KCTD18: variants seen among roughly 807,000 people sequenced by gnomAD.
KCTD18 encodes the protein BTB/POZ domain-containing protein KCTD18.
A neutral mutation model predicts 30.4 loss-of-function variants in KCTD18; 22 were observed. The ratio of observed to expected loss-of-function variants is 0.72; its 90% confidence interval spans 0.52 to 1.03. The LOEUF (loss-of-function observed/expected upper bound fraction) is 1.03. Ranked by LOEUF, KCTD18 falls within the 50% of genes least tolerant of loss-of-function variation. The probability of loss-of-function intolerance (pLI) is 0.00; values close to 1 mark genes in which losing one functional copy is unlikely to be tolerated. For synonymous variants in KCTD18, 186 were observed against 209.0 expected (o/e 0.89, Z 0.95); for missense variants, 529 against 547.6 (o/e 0.97, Z 0.34).
At chr2:200,505,861 T>C (rs986400097) in intron 2 of KCTD18, among the ~76,000 whole-genome samples, 2 of 142,378 alleles carry the variant, frequency 1.4e-5, no homozygotes, top group Non-Finnish European at 3.1e-5. Context: ...TTTAGCAGAA[T>C]TAAAAAAAAA....
In KCTD18 at chr2:200,489,974, A is replaced by T; in HGVS notation, c.*126T>A. On this transcript the variant is annotated 3_prime_UTR_variant, in exon 7 of 7. Coordinates refer to ENST00000359878, the MANE Select transcript of KCTD18 (RefSeq NM_152387.4). ...CTCCATTCCTAGCTCACACAATTCC[A>T]GGAACAGAATCCTCAACATAAACCT... 9.9e-7 allele frequency: 1 copy of T among 1,006,706 alleles called. No homozygotes were observed. Among genetic ancestry groups the T allele is most frequent in the Non-Finnish European group, 1.4e-6 (1 of 715,700 alleles). 62.4% of individuals were successfully genotyped at this position (1,006,706 alleles called of 1,614,324 possible). A position where few individuals can be genotyped will look rare whatever the true frequency, so the allele number is the denominator to read the frequency against.
chr2:200,490,579 TCA>T lies in KCTD18; in HGVS notation c.800_801del (p.Val267GlufsTer3). On this transcript the variant is annotated frameshift_variant, in exon 7 of 7. Transcript: ENST00000359878. LOFTEE classifies it low-confidence loss of function (END_TRUNC). ...LITFNEADES[V>X]NYKTGPKPVR... ...ACTGGCTTAGGACCAGTCTTATAGT[TCA>T]CACTTTCGTCCGCTTCATTGAACGT... 1 of 1,599,020 alleles carries T rather than the reference TCA, an allele frequency of 6.3e-7. No individual in the cohort carries two copies. Among genetic ancestry groups the T allele is most frequent in the African/African-American group, 1.3e-5 (1 of 74,986 alleles).
intron 3 of KCTD18, among the ~76,000 whole-genome samples, chr2:200,503,457 G>A (rs2029985367): frequency 6.6e-6 from 1 of 152,104 alleles, no homozygotes; most frequent in African/African-American, 2.4e-5. Context: ...CATGTCACAG[G>A]CACTTGAAAC....
intron 5 of KCTD18, among the ~76,000 whole-genome samples, chr2:200,494,617 C>T (rs541877577): frequency 1.8e-4 from 28 of 152,172 alleles, no homozygotes; most frequent in Non-Finnish European, 3.2e-4. Context: ...TGCTTGATCA[C>T]ACTCCAAAAC....
At position 200,493,210 on chromosome 2, in the gene KCTD18, T is replaced by TA. The variant is rs780934812; in HGVS notation, c.725dup (p.Leu242PhefsTer21). On this transcript the variant is annotated frameshift_variant, in exon 6 of 7. Transcript: ENST00000359878. LOFTEE classifies it low-confidence loss of function (END_TRUNC). ...GAGCCATGTGACGCAGGCTTCCAAG[T>TA]AAAGGCCGTTCTTCTAGAGTCCAAC... 27 of 1,613,268 alleles carry TA rather than the reference T, an allele frequency of 1.7e-5. No homozygotes were observed. In the South Asian group the frequency reaches 1.8e-4, roughly 10 times the overall value.
At chr2:200,507,162 T>C in intron 1 of KCTD18, 71 bp from the exon 2 acceptor site, 1 of 531,642 alleles carries the variant, frequency 1.9e-6, no homozygotes, top group South Asian at 3.8e-5. Context: ...ATAAATATAC[T>C]TTAACATGAC....
At chr2:200,493,375 TC>T (rs2087951413) in intron 5 of KCTD18, 101 bp from the exon 6 acceptor site, 1 of 733,262 alleles carries the variant, frequency 1.4e-6, no homozygotes, top group Admixed American at 2.2e-5. Context: ...GGTTCATGCC[TC>T]CCGTTTGGCA....
chr2:200,507,384 C>T (rs2030261370), intron 1 of KCTD18, among the ~76,000 whole-genome samples: 1 of 152,202 alleles, frequency 6.6e-6, no homozygotes, highest in South Asian at 2.1e-4. Flanking sequence ...GAGAGGCCTG[C>T]TTATGATCTT....
rs763914151 is a variant in KCTD18, at chr2:200,507,013, C to G, written c.4G>C (p.Glu2Gln). Reference protein sequence around the residue: MEGHKAEEEVLD... With the variant: MQGHKAEEEVLD... Reference sequence around the variant, plus strand: ...ACCTCTTCTTCTGCCTTGTGGCCTTCCATTTCTCCCCCAGGCACCTGAATT... The same window carrying G: ...ACCTCTTCTTCTGCCTTGTGGCCTTGCATTTCTCCCCCAGGCACCTGAATT... Residue 2 changes from glutamate to glutamine, a missense_variant, in exon 2 of 7, where the codon GAA becomes CAA. Transcript: ENST00000359878. 2 of 1,599,688 alleles carry G rather than the reference C, an allele frequency of 1.3e-6. No homozygotes were observed. The highest frequency in any genetic ancestry group is 1.7e-6 in the Non-Finnish European group (2 of 1,170,790).
intron 4 of KCTD18, 115 bp downstream of exon 4, chr2:200,498,776 G>T: frequency 1.2e-6 from 1 of 833,726 alleles, no homozygotes. Context: ...GGCTCACTGT[G>T]TCTCCTGAGA....
In KCTD18 at chr2:200,500,811, C is replaced by T. The variant is rs1193453081; in HGVS notation, c.373-1727G>A. 3.3e-5 allele frequency among the ~76,000 whole-genome samples: 5 copies of T among 152,140 alleles called. No homozygotes were observed. In the South Asian group the frequency reaches 8.3e-4, roughly 25 times the overall value. On this transcript the variant is annotated intron_variant, in intron 3 of 6. Coordinates refer to ENST00000359878, the MANE Select transcript of KCTD18 (RefSeq NM_152387.4). ...AAGTTCATATGGAACCAAAAAAGAG[C>T]CCGCATCGCCAAGTCAATCCTGAGC...
At chr2:200,507,775 CTTAAG>C (rs771290389) in intron 1 of KCTD18, among the ~76,000 whole-genome samples, 6 of 152,138 alleles carry the variant, frequency 3.9e-5, no homozygotes, top group Non-Finnish European at 8.8e-5. Flanking sequence ...AACTATAATT[CTTAAG>C]TTAGGTAACT....
chr2:200,497,607 C>G, intron 5 of KCTD18, 146 bp downstream of exon 5: 5 of 615,978 alleles, frequency 8.1e-6, no homozygotes, highest in Non-Finnish European at 1.4e-5. Flanking sequence ...TGTAAGTAAA[C>G]TGCCTCAGTG....
At position 200,489,698 on chromosome 2, in the gene KCTD18, C is replaced by A. The variant is rs1384568385; in HGVS notation, c.*402G>T. 3 of 171,094 alleles carry A rather than the reference C, an allele frequency of 1.8e-5. No individual in the cohort carries two copies. Among genetic ancestry groups the A allele is most frequent in the Non-Finnish European group, 2.5e-5 (2 of 80,648 alleles). 10.6% of individuals were successfully genotyped at this position (171,094 alleles called of 1,614,324 possible). On this transcript the variant is annotated 3_prime_UTR_variant, in exon 7 of 7. Coordinates refer to ENST00000359878, the MANE Select transcript of KCTD18 (RefSeq NM_152387.4). ...TAGTACAGGGAACCACTAATATCAC[C>A]CCCTCCATTTTCCCAGACAGGAATA...
intron 3 of KCTD18, among the ~76,000 whole-genome samples, chr2:200,503,929 T>A (rs1321567512): frequency 6.6e-6 from 1 of 152,216 alleles, no homozygotes; most frequent in Non-Finnish European, 1.5e-5. Flanking sequence ...TAATTAGGAT[T>A]TTCAAATCAT....
rs10203154 is a variant in KCTD18, at chr2:200,490,375, C to A, written c.1006G>T (p.Gly336Cys). ...TGAGGATGCCCAGGTGCCCCCGTGC[C>A]CACCAGGGCCGTGGCTCTGGAAGGT... ...SAPSRATALV[G>C]TGAPGHPQAS... Residue 336 changes from glycine to cysteine, a missense_variant, in exon 7 of 7, where the codon GGC (glycine) becomes TGC (cysteine). By Grantham distance (159) the Gly-to-Cys change is radical (BLOSUM62 -3). Transcript: ENST00000359878. 5,416 of 1,614,192 alleles carry A rather than the reference C, an allele frequency of 3.4e-3. 155 individuals are homozygous for A. In the African/African-American group the frequency reaches 0.061, roughly 18 times the overall value.
Position 200,497,794 on chromosome 2 carries a change from A to C in KCTD18, c.620T>G (p.Leu207Trp), listed in dbSNP as rs1559183355. The change falls in exon 5 of 7, where the codon TTG (leucine) becomes TGG (tryptophan). Residue 207 changes from leucine to tryptophan, a missense_variant. Leu to Trp is a moderately conservative substitution (Grantham distance 61). Transcript: ENST00000359878. ...YIWSYYSVAELKKMMDAFDAW... is the reference protein window; with the variant it reads ...YIWSYYSVAEWKKMMDAFDAW... ...ATCAAAGGCATCCATCATTTTCTTC[A>C]ACTCTGCTACTGAATAATAGCTCCA... 1 of 1,612,966 alleles carries C rather than the reference A, an allele frequency of 6.2e-7. No individual in the cohort carries two copies. The highest frequency in any genetic ancestry group is 1.1e-5 in the South Asian group (1 of 91,058).
intron 3 of KCTD18, among the ~76,000 whole-genome samples, chr2:200,503,035 G>GAAAAAAAAAAAAAAAAAAAAAAA (rs1208626767): frequency 1.7e-5 from 1 of 58,108 alleles, no homozygotes. Context: ...CATCTCAAAA[G>GAAAAAAAAAAAAAAAAAAAAAAA]AAAAAAAAAA....
chr2:200,491,348 A>T (rs1169740118), intron 6 of KCTD18, among the ~76,000 whole-genome samples: 2 of 152,178 alleles, frequency 1.3e-5, no homozygotes, highest in Non-Finnish European at 2.9e-5. Flanking sequence ...TCTTGTACAG[A>T]CTGCAGAACC....
Sources: allele counts gnomAD v4.1 joint callset (sites outside exome capture counted in the v4.1 genomes callset), GRCh38; gene constraint gnomAD v4.1.1; transcripts MANE v1.5; gene names NCBI Gene and HGNC (gene_info 2026-07-23, HGNC 2026-07-21).